Variants in CLVS2 observed in about 807,000 individuals in gnomAD.
CLVS2 encodes the protein clavesin-2.
Under a neutral mutation model 29.0 loss-of-function variants are expected in CLVS2, and 19 were observed. That is an observed-to-expected ratio of 0.66 (90% CI 0.46 to 0.96). The LOEUF is 0.96. Ranked by LOEUF, CLVS2 falls within the 40% of genes least tolerant of loss-of-function variation. The pLI is 0.00. For synonymous variants in CLVS2, 161 were observed against 151.3 expected (o/e 1.06, Z -0.47); for missense variants, 294 against 404.1 (o/e 0.73, Z 2.34).
chr6:123,033,126 T>C (rs1322988103), intron 3 of CLVS2, among the ~76,000 whole-genome samples: 1 of 152,136 alleles, frequency 6.6e-6, no homozygotes, highest in Non-Finnish European at 1.5e-5. Context: ...ACACTAATAT[T>C]ATTTGGTTCA....
At chr6:123,016,021 C>CTT (rs58103603) in intron 3 of CLVS2, among the ~76,000 whole-genome samples, 5,008 of 50,848 alleles carry the variant, frequency 0.098, 1,208 homozygotes, top group East Asian at 0.32. Context: ...CAACATCAGA[C>CTT]TTTTTTTTTT....
chr6:123,007,080 T>C (rs1774679525), intron 2 of CLVS2, among the ~76,000 whole-genome samples: 2 of 152,236 alleles, frequency 1.3e-5, no homozygotes, highest in Non-Finnish European at 2.9e-5. Context: ...AAACTTTACA[T>C]ATATTATTTT....
At chr6:123,027,716 G>A (rs1190391493) in intron 3 of CLVS2, among the ~76,000 whole-genome samples, 1 of 152,112 alleles carries the variant, frequency 6.6e-6, no homozygotes, top group Non-Finnish European at 1.5e-5. Flanking sequence ...AGCTCATCAG[G>A]CTTAACTTAA....
At chr6:123,028,563 G>GTACT (rs1320253165) in intron 3 of CLVS2, among the ~76,000 whole-genome samples, 1 of 152,140 alleles carries the variant, frequency 6.6e-6, no homozygotes, top group Non-Finnish European at 1.5e-5. Context: ...GCATGCTAGT[G>GTACT]TACTACTTCA....
At chr6:123,024,604 A>G (rs1413327575) in intron 3 of CLVS2, among the ~76,000 whole-genome samples, 1 of 152,160 alleles carries the variant, frequency 6.6e-6, no homozygotes, top group Non-Finnish European at 1.5e-5. Flanking sequence ...TTCAGAGGCC[A>G]TACCCTGGAG....
intron 2 of CLVS2, among the ~76,000 whole-genome samples, chr6:123,004,896 A>G (rs1321949631): frequency 1.3e-5 from 2 of 152,016 alleles, no homozygotes; most frequent in Non-Finnish European, 2.9e-5. Flanking sequence ...CTGGGCGACA[A>G]GAGCAAAACT....
At chr6:123,007,317 G>A (rs906671681) in intron 2 of CLVS2, among the ~76,000 whole-genome samples, 14 of 152,074 alleles carry the variant, frequency 9.2e-5, no homozygotes, top group African/African-American at 3.1e-4. Context: ...AAGAGAAAAG[G>A]GAGACTTAGA....
intron 3 of CLVS2, among the ~76,000 whole-genome samples, chr6:123,017,980 T>G (rs1456976977): frequency 6.6e-6 from 1 of 152,080 alleles, no homozygotes; most frequent in Non-Finnish European, 1.5e-5. Context: ...TAATAAAATT[T>G]AATACTTCTA....
chr6:123,038,232 C>G (rs1775181689), intron 3 of CLVS2, among the ~76,000 whole-genome samples: 1 of 152,150 alleles, frequency 6.6e-6, no homozygotes, highest in South Asian at 2.1e-4. Context: ...ACTTTTCAAT[C>G]TCTCATTCTT....
intron 2 of CLVS2, among the ~76,000 whole-genome samples, chr6:123,002,353 T>C (rs1774601705): frequency 2.0e-5 from 3 of 152,196 alleles, no homozygotes; most frequent in African/African-American, 7.2e-5. Context: ...CTTGTCAGTT[T>C]GCTCCTATTG....
chr6:123,050,211 T>C (rs1443304798), intron 4 of CLVS2, among the ~76,000 whole-genome samples: 1 of 152,184 alleles, frequency 6.6e-6, no homozygotes, highest in Non-Finnish European at 1.5e-5. Flanking sequence ...TCAGAAAGTT[T>C]ATTGAAATGC....
Position 123,072,504 on chromosome 6 carries a change from A to G in CLVS2, c.*8743A>G, listed in dbSNP as rs1304496637. On this transcript the variant is annotated 3_prime_UTR_variant, in exon 6 of 6. Transcript: ENST00000275162. ...TGATTCTTGCTCACAAACAAGGCAGAATTTCCTTATGTTTCTTAATATTTG... is the reference window on the plus strand; with the variant it reads ...TGATTCTTGCTCACAAACAAGGCAGGATTTCCTTATGTTTCTTAATATTTG... 1 of 152,112 alleles carries G rather than the reference A, an allele frequency of 6.6e-6. No individual in the cohort carries two copies. The highest frequency in any genetic ancestry group is 1.5e-5 in the Non-Finnish European group (1 of 67,984). The allele number at this position is 152,112 out of a possible 1,614,324, so 9.4% of individuals were successfully genotyped here.
At chr6:123,021,732 C>T (rs929411532) in intron 3 of CLVS2, among the ~76,000 whole-genome samples, 9 of 152,072 alleles carry the variant, frequency 5.9e-5, no homozygotes, top group South Asian at 2.1e-4. Flanking sequence ...TGGTTGCCTA[C>T]GCAGCCTTCT....
At position 123,065,444 on chromosome 6, in the gene CLVS2, T is replaced by C. The variant is rs1314873810; in HGVS notation, c.*1683T>C. ...AAGCTGAATACACCAATGTACAGTG[T>C]ATCAATGGACTGCCTCATGTGTGTA... On this transcript the variant is annotated 3_prime_UTR_variant, in exon 6 of 6. Coordinates refer to ENST00000275162, the MANE Select transcript of CLVS2 (RefSeq NM_001010852.4). 6.6e-6 allele frequency: 1 copy of C among 151,862 alleles called. No individual in the cohort carries two copies. The highest frequency in any genetic ancestry group is 1.5e-5 in the Non-Finnish European group (1 of 67,814). 9.4% of individuals were successfully genotyped at this position (151,862 alleles called of 1,614,324 possible). A position where few individuals can be genotyped will look rare whatever the true frequency, so the allele number is the denominator to read the frequency against.
At chr6:123,042,049 G>T (rs1014975920) in intron 3 of CLVS2, among the ~76,000 whole-genome samples, 4 of 151,982 alleles carry the variant, frequency 2.6e-5, no homozygotes, top group Non-Finnish European at 5.9e-5. Flanking sequence ...GATTCATTAT[G>T]GTAAATCCAT....
chr6:123,029,152 T>G (rs1272958466), intron 3 of CLVS2, among the ~76,000 whole-genome samples: 1 of 152,214 alleles, frequency 6.6e-6, no homozygotes, highest in Non-Finnish European at 1.5e-5. Flanking sequence ...CAAATGTTGT[T>G]TAAACGACCC....
chr6:123,055,018 A>C (rs1772672559), intron 4 of CLVS2, among the ~76,000 whole-genome samples: 1 of 152,192 alleles, frequency 6.6e-6, no homozygotes, highest in Admixed American at 6.5e-5. Context: ...CAGTGGTAAG[A>C]GACAAAGCCA....
intron 3 of CLVS2, among the ~76,000 whole-genome samples, chr6:123,044,050 G>T (rs762769696): frequency 6.6e-6 from 1 of 152,204 alleles, no homozygotes; most frequent in East Asian, 1.9e-4. Flanking sequence ...AGGCAAGTCA[G>T]TCTTTGCATT....
At chr6:123,044,361 C>G (rs1441217664) in intron 3 of CLVS2, among the ~76,000 whole-genome samples, 1 of 152,116 alleles carries the variant, frequency 6.6e-6, no homozygotes, top group African/African-American at 2.4e-5. Context: ...TTAGATAGAT[C>G]TCAATCAATT....
Sources: allele counts gnomAD v4.1 joint callset (sites outside exome capture counted in the v4.1 genomes callset), GRCh38; gene constraint gnomAD v4.1.1; transcripts MANE v1.5; gene names NCBI Gene and HGNC (gene_info 2026-07-23, HGNC 2026-07-21).